The following TASP1 variants were observed in gnomAD, a reference collection of about 807,000 sequenced individuals.
TASP1 encodes the protein taspase 1.
TASP1 carries 16 observed loss-of-function variants against 56.6 expected under a neutral mutation model. The ratio of observed to expected loss-of-function variants is 0.28; its 90% CI spans 0.19 to 0.43. TASP1 has a LOEUF of 0.43. TASP1 is among the 20% of genes least tolerant of loss of function. The pLI, the probability that TASP1 is intolerant of heterozygous loss-of-function variation, is 1.00. For missense variants in TASP1, 393 were observed against 511.6 expected, an observed-to-expected ratio of 0.77 and a Z score of 2.24; for synonymous variants, 179 against 184.2, an observed-to-expected ratio of 0.97 and a Z score of 0.23.
intron 13 of TASP1, among the ~76,000 whole-genome samples, chr20:13,401,344 T>C (rs991229335): frequency 6.6e-6 from 1 of 152,118 alleles, no homozygotes; most frequent in Non-Finnish European, 1.5e-5. Flanking sequence ...GGGAACAAAA[T>C]GTTATATCTA....
At position 13,623,516 on chromosome 20, in the gene TASP1, T is replaced by C. The variant is rs2048788620; in HGVS notation, c.214-2A>G. 6.3e-7 allele frequency: 1 copy of C among 1,585,960 alleles called. No homozygotes were observed. The highest frequency in any genetic ancestry group is 8.7e-7 in the Non-Finnish European group (1 of 1,155,378). ...ACCGGCCTGCAGCTTTTCAATTGCC[T>C]ATGAAACCAAGGGGAGAGATTATTC... On this transcript the variant is annotated splice_acceptor_variant, in intron 3 of 13. Transcript: ENST00000337743. LOFTEE classifies it high-confidence loss of function.
chr20:13,224,370 CATTTATT>C, the TASP1 span, among the ~76,000 whole-genome samples: 1 of 152,196 alleles, frequency 6.6e-6, no homozygotes, highest in Non-Finnish European at 1.5e-5. Flanking sequence ...CTGCAAAAGA[CATTTATT>C]AGTCCATCGT....
the TASP1 span, among the ~76,000 whole-genome samples, chr20:13,342,547 C>T: frequency 6.6e-6 from 1 of 152,188 alleles, no homozygotes; most frequent in Admixed American, 6.5e-5. Context: ...GCCAAAGTTG[C>T]ACAAGGCACA....
chr20:13,520,262 GA>G (rs1181629718), intron 10 of TASP1, among the ~76,000 whole-genome samples: 3 of 151,686 alleles, frequency 2.0e-5, no homozygotes, highest in Non-Finnish European at 4.4e-5. Context: ...CACAGAATTG[GA>G]AAAAACTACT....
the TASP1 span, among the ~76,000 whole-genome samples, chr20:13,370,092 ACAAT>A: frequency 6.6e-6 from 1 of 152,200 alleles, no homozygotes; most frequent in African/African-American, 2.4e-5. Context: ...ATGACAAAAG[ACAAT>A]CAACAGATGT....
the TASP1 span, among the ~76,000 whole-genome samples, chr20:13,359,853 A>C: frequency 6.6e-6 from 1 of 151,426 alleles, no homozygotes; most frequent in Non-Finnish European, 1.5e-5. Flanking sequence ...ACCTTAACCC[A>C]CAAGTATAAG....
intron 11 of TASP1, among the ~76,000 whole-genome samples, chr20:13,466,125 T>C (rs957524412): frequency 6.6e-6 from 1 of 152,132 alleles, no homozygotes; most frequent in Non-Finnish European, 1.5e-5. Context: ...GGGTAACTGG[T>C]ATATAGATTT....
At chr20:13,566,459 A>G (rs555160488) in intron 7 of TASP1, among the ~76,000 whole-genome samples, 12 of 152,072 alleles carry the variant, frequency 7.9e-5, no homozygotes, top group Non-Finnish European at 1.3e-4. Context: ...AAACAGTAGT[A>G]GTACCTCCAT....
the TASP1 span, among the ~76,000 whole-genome samples, chr20:13,141,155 T>C: frequency 5.3e-5 from 8 of 152,378 alleles, no homozygotes; most frequent in South Asian, 1.7e-3. Flanking sequence ...AGGAATTTTC[T>C]CTTTCCTACT....
At chr20:13,158,839 G>C in the TASP1 span, among the ~76,000 whole-genome samples, 1 of 152,214 alleles carries the variant, frequency 6.6e-6, no homozygotes, top group African/African-American at 2.4e-5. Flanking sequence ...AGCAAAACAA[G>C]TGAATGGAAG....
the TASP1 span, chr20:13,167,436 C>T: frequency 6.6e-6 from 1 of 152,164 alleles, no homozygotes; most frequent in Non-Finnish European, 1.5e-5. Flanking sequence ...GCACTCAGCC[C>T]TTCTGTTCAC....
chr20:13,341,952 AAGAG>A, the TASP1 span, among the ~76,000 whole-genome samples: 5 of 152,332 alleles, frequency 3.3e-5, no homozygotes, highest in Admixed American at 3.3e-4. Context: ...TTGTGGTCAC[AAGAG>A]AGTGAGAAAA....
At chr20:13,530,155 A>G (rs1206264088) in intron 9 of TASP1, among the ~76,000 whole-genome samples, 1 of 151,984 alleles carries the variant, frequency 6.6e-6, no homozygotes, top group Non-Finnish European at 1.5e-5. Context: ...TCTCATAATT[A>G]CCCTCCTAGA....
intron 8 of TASP1, among the ~76,000 whole-genome samples, chr20:13,554,645 A>G (rs577241189): frequency 1.2e-3 from 181 of 152,314 alleles, no homozygotes; most frequent in African/African-American, 4.2e-3. Context: ...CAAATATTAC[A>G]ATAAAGTGAG....
the TASP1 span, among the ~76,000 whole-genome samples, chr20:13,131,167 G>T: frequency 6.6e-6 from 1 of 152,146 alleles, no homozygotes; most frequent in Non-Finnish European, 1.5e-5. Context: ...TATTACTCAT[G>T]TTTAAATCTT....
downstream of TASP1, among the ~76,000 whole-genome samples, chr20:13,387,253 G>C (rs1468869175): frequency 3.5e-5 from 5 of 142,214 alleles, no homozygotes; most frequent in East Asian, 2.0e-4. Flanking sequence ...GAGTGCAATG[G>C]CGTGATCTCG....
chr20:13,423,416 T>C (rs2042513933), intron 12 of TASP1, among the ~76,000 whole-genome samples: 1 of 152,228 alleles, frequency 6.6e-6, no homozygotes. Flanking sequence ...TATAGTCTAC[T>C]TATTGCTTTT....
intron 4 of TASP1, among the ~76,000 whole-genome samples, chr20:13,615,611 T>C (rs2048496262): frequency 6.6e-6 from 1 of 151,530 alleles, no homozygotes; most frequent in Non-Finnish European, 1.5e-5. Flanking sequence ...TTCATGCCAT[T>C]CTCATGCCTC....
intron 11 of TASP1, among the ~76,000 whole-genome samples, chr20:13,436,494 C>A (rs1016315992): frequency 3.3e-5 from 5 of 152,054 alleles, no homozygotes; most frequent in African/African-American, 9.7e-5. Context: ...GAGATCAGAA[C>A]TGCAATTCCT....
Sources: gnomAD v4.1 joint callset for allele counts (sites outside exome capture counted in the v4.1 genomes callset) on GRCh38, gnomAD v4.1.1 for gene constraint, MANE v1.5 for transcripts, NCBI Gene and HGNC (gene_info 2026-07-23, HGNC 2026-07-21) for gene names.